MICU1: variants seen among roughly 807,000 people sequenced by gnomAD.
MICU1 encodes the protein calcium uptake protein 1, mitochondrial.
A neutral mutation model predicts 56.8 loss-of-function variants in MICU1; 45 were observed. The observed-to-expected ratio is 0.79, with a 90% CI of 0.62 to 1.02. MICU1 has a LOEUF of 1.02. Among genes scored for constraint, MICU1 ranks in the 50% least tolerant of loss-of-function variants. The probability of loss-of-function intolerance (pLI) is 0.00; values close to 1 mark genes in which losing one functional copy is unlikely to be tolerated. For synonymous variants in MICU1, 186 were observed against 195.1 expected, an observed-to-expected ratio of 0.95 and a Z score of 0.39; for missense variants, 504 against 587.1, an observed-to-expected ratio of 0.86 and a Z score of 1.46.
chr10:72,551,961 T>C (rs1400547031), intron 3 of MICU1, among the ~76,000 whole-genome samples: 2 of 152,094 alleles, frequency 1.3e-5, no homozygotes, highest in African/African-American at 4.8e-5. Context: ...TATAAAGGGA[T>C]TGATTTTACA....
At chr10:72,553,856 G>A (rs191341853) in intron 3 of MICU1, among the ~76,000 whole-genome samples, 7 of 151,936 alleles carry the variant, frequency 4.6e-5, no homozygotes, top group African/African-American at 1.7e-4. Context: ...TTTCCACTTA[G>A]CATTGTACCT....
intron 6 of MICU1, among the ~76,000 whole-genome samples, chr10:72,504,178 G>A (rs1867168082): frequency 6.6e-6 from 1 of 151,980 alleles, no homozygotes; most frequent in African/African-American, 2.4e-5. Flanking sequence ...AATAGCCAAA[G>A]CAATCCTAAG....
chr10:72,546,931 G>A (rs919318064), intron 4 of MICU1, among the ~76,000 whole-genome samples: 4 of 147,340 alleles, frequency 2.7e-5, no homozygotes, highest in Non-Finnish European at 4.5e-5. Context: ...TCGCTCTGTC[G>A]CCCAGGCTGG....
At chr10:72,533,703 TA>T in intron 5 of MICU1, 42 bp downstream of exon 5, 1 of 1,419,616 alleles carries the variant, frequency 7.0e-7, no homozygotes, top group Non-Finnish European at 9.7e-7. Flanking sequence ...ATCTTCTTAG[TA>T]AATGATAGGA....
chr10:72,541,504 C>G (rs1419449388), intron 4 of MICU1, among the ~76,000 whole-genome samples: 1 of 152,180 alleles, frequency 6.6e-6, no homozygotes, highest in Non-Finnish European at 1.5e-5. Flanking sequence ...AGACCCATGA[C>G]TCATGACTGA....
chr10:72,600,764 TA>T (rs1418923766), intron 1 of MICU1, among the ~76,000 whole-genome samples: 1 of 152,078 alleles, frequency 6.6e-6, no homozygotes, highest in East Asian at 1.9e-4. Flanking sequence ...TGAAAAGCAT[TA>T]AATTTGTGAG....
chr10:72,494,224 C>T (rs1290336892), intron 6 of MICU1, among the ~76,000 whole-genome samples: 1 of 152,102 alleles, frequency 6.6e-6, no homozygotes, highest in African/African-American at 2.4e-5. Flanking sequence ...AGCCAGAATG[C>T]TGGCATTTCG....
chr10:72,593,366 T>C (rs1047431656), intron 1 of MICU1, among the ~76,000 whole-genome samples: 1 of 151,656 alleles, frequency 6.6e-6, no homozygotes, highest in South Asian at 2.1e-4. Flanking sequence ...TTGGGAGGCT[T>C]AGGCAGGCGG....
intron 8 of MICU1, among the ~76,000 whole-genome samples, chr10:72,448,464 G>A (rs1357132754): frequency 6.6e-6 from 1 of 151,114 alleles, no homozygotes; most frequent in Non-Finnish European, 1.5e-5. Context: ...GTGAGCCACC[G>A]CACCTGGCCA....
chr10:72,396,935 C>T (rs975645359), intron 10 of MICU1, among the ~76,000 whole-genome samples: 1 of 152,132 alleles, frequency 6.6e-6, no homozygotes, highest in Non-Finnish European at 1.5e-5. Context: ...ATACAGAGAA[C>T]ACCACAAAGA....
Position 72,368,064 on chromosome 10 carries a change from C to T in MICU1, c.*131G>A, listed in dbSNP as rs1020644487. ...GGGAAGGGTAAAGAGGGGAAACCGA[C>T]AGAGTCCTGAGGTCATCCCGGGAGG... On this transcript the variant is annotated 3_prime_UTR_variant, in exon 12 of 12. Transcript: ENST00000361114. 2 of 973,664 alleles carry T rather than the reference C, an allele frequency of 2.1e-6. No individual in the cohort carries two copies. The highest frequency in any genetic ancestry group is 3.0e-6 in the Non-Finnish European group (2 of 671,534). 60.3% of individuals were successfully genotyped at this position (973,664 alleles called of 1,614,324 possible).
chr10:72,502,340 G>C (rs1265899022), intron 6 of MICU1, among the ~76,000 whole-genome samples: 1 of 151,890 alleles, frequency 6.6e-6, no homozygotes, highest in Non-Finnish European at 1.5e-5. Flanking sequence ...TTTTTTAGTG[G>C]AGATGGGGTT....
intron 8 of MICU1, among the ~76,000 whole-genome samples, chr10:72,471,668 C>G (rs1034023274): frequency 2.0e-5 from 3 of 151,824 alleles, no homozygotes; most frequent in Non-Finnish European, 4.4e-5. Flanking sequence ...TTTTTTGGAC[C>G]TACACTCTGT....
chr10:72,545,082 C>T (rs927661393), intron 4 of MICU1, among the ~76,000 whole-genome samples: 1 of 152,134 alleles, frequency 6.6e-6, no homozygotes, highest in Non-Finnish European at 1.5e-5. Flanking sequence ...GATAGAAATT[C>T]AAACTACAAA....
At position 72,569,233 on chromosome 10, in the gene MICU1, A is replaced by AT. The variant is rs1231227018; in HGVS notation, c.-1-2440dup. Among the ~76,000 whole-genome samples, 112 of 40,290 alleles carry AT rather than the reference A, an allele frequency of 2.8e-3. 6 individuals are homozygous for AT. The highest frequency in any genetic ancestry group is 3.8e-3 in the Non-Finnish European group (75 of 19,560). The allele number at this position is 40,290 out of a possible 152,430, so 26.4% of individuals were successfully genotyped here. A position where few individuals can be genotyped will look rare whatever the true frequency, so the allele number is the denominator to read the frequency against. On this transcript the variant is annotated intron_variant, in intron 1 of 11. Transcript: ENST00000361114. ...TATATATATATATATATATATATATATATATTTTTTTTTTTTTTTGAGATG... is the reference window on the plus strand; with the variant it reads ...TATATATATATATATATATATATATATTATATTTTTTTTTTTTTTTGAGATG...
chr10:72,549,852 C>T (rs1000686098), intron 4 of MICU1, among the ~76,000 whole-genome samples: 1 of 147,156 alleles, frequency 6.8e-6, no homozygotes, highest in African/African-American at 2.6e-5. Flanking sequence ...ATCGCTTGAA[C>T]CCAGGAGGTG....
intron 9 of MICU1, among the ~76,000 whole-genome samples, chr10:72,418,525 T>C (rs1162487981): frequency 6.6e-6 from 1 of 152,220 alleles, no homozygotes; most frequent in Admixed American, 6.5e-5. Context: ...TCTGTCTCTA[T>C]ATTCTCAAAA....
intron 10 of MICU1, among the ~76,000 whole-genome samples, chr10:72,392,815 T>C (rs1368268710): frequency 6.6e-6 from 1 of 152,214 alleles, no homozygotes; most frequent in Admixed American, 6.5e-5. Flanking sequence ...AAAGAATCAC[T>C]AGTCCGGGTC....
At chr10:72,427,511 T>C (rs2132147514) in intron 8 of MICU1, among the ~76,000 whole-genome samples, 1 of 152,264 alleles carries the variant, frequency 6.6e-6, no homozygotes, top group South Asian at 2.1e-4. Context: ...ATCCAACAAA[T>C]GTAAACTTCA....
Sources: allele counts gnomAD v4.1 joint callset (sites outside exome capture counted in the v4.1 genomes callset), GRCh38; gene constraint gnomAD v4.1.1; transcripts MANE v1.5; gene names NCBI Gene and HGNC (gene_info 2026-07-23, HGNC 2026-07-21).